The following UNC80 variants were observed in gnomAD, a reference collection of about 807,000 sequenced individuals.
UNC80 encodes unc-80 subunit of NALCN channel complex.
Under a neutral mutation model 384.6 loss-of-function variants are expected in UNC80, and 164 were observed. That is an observed-to-expected ratio of 0.43 (90% confidence interval 0.38 to 0.49). The LOEUF is 0.49. UNC80 is among the 20% of genes least tolerant of loss of function. The pLI, the probability that UNC80 is intolerant of heterozygous loss-of-function variation, is 0.00. For missense variants in UNC80, 3,330 were observed against 4,143.0 expected (o/e 0.80, Z 5.39); for synonymous variants, 1,486 against 1,527.8 (o/e 0.97, Z 0.64).
rs1464814358 is a variant in UNC80, at chr2:209,957,753, T to G, written c.7550+17T>G. The G allele has an allele frequency of 6.5e-7, 1 of 1,550,086 alleles. No individual in the cohort carries two copies. The highest frequency in any genetic ancestry group is 1.4e-5 in the African/African-American group (1 of 73,000). On this transcript the variant is annotated intron_variant, in intron 49 of 64. Coordinates refer to ENST00000673920, the MANE Select transcript of UNC80 (RefSeq NM_001371986.1). The stretch of plus-strand genomic sequence containing the variant: ...GAACACCAGGTAATTCACTGCGCCT[T>G]ATTCTTCTATGGTCTCTCAATTTCA...
chr2:209,972,872 T>G lies in UNC80; in HGVS notation c.8381-192T>G, dbSNP rs115384309. Among the ~76,000 whole-genome samples, 505 of 152,316 alleles carry G rather than the reference T, an allele frequency of 3.3e-3. 1 individual carries two copies. Among genetic ancestry groups the G allele is most frequent in the Middle Eastern group, 0.017 (5 of 292 alleles). ...ACCACAGGTTGTTGGGTACCCACTA[T>G]GGAGAAAATACTCAGGTGCCAGGAA... On this transcript the variant is annotated intron_variant, in intron 55 of 64. Coordinates refer to ENST00000673920, the MANE Select transcript of UNC80 (RefSeq NM_001371986.1).
At chr2:209,991,956 A>G (rs921180327) in intron 61 of UNC80, among the ~76,000 whole-genome samples, 3 of 152,218 alleles carry the variant, frequency 2.0e-5, no homozygotes, top group South Asian at 2.1e-4. Context: ...TGAAAACAGA[A>G]TCTCAATTTT....
At chr2:209,774,913 A>C (rs1016155609) in intron 2 of UNC80, among the ~76,000 whole-genome samples, 7 of 152,300 alleles carry the variant, frequency 4.6e-5, no homozygotes, top group Non-Finnish European at 7.4e-5. Context: ...AGTAAGCCAT[A>C]TTAGGATACC....
intron 7 of UNC80, among the ~76,000 whole-genome samples, chr2:209,801,567 G>C (rs1383853769): frequency 6.6e-6 from 1 of 151,424 alleles, no homozygotes; most frequent in Non-Finnish European, 1.5e-5. Flanking sequence ...ATTTTTAGTA[G>C]AGATGGGGTT....
chr2:209,791,957 C>A (rs760883987), intron 6 of UNC80, among the ~76,000 whole-genome samples: 4 of 150,736 alleles, frequency 2.7e-5, no homozygotes, highest in Non-Finnish European at 5.9e-5. Flanking sequence ...TGAAATACAG[C>A]TAGTCTGAAT....
chr2:209,868,410 A>C (rs1244428614), intron 22 of UNC80, among the ~76,000 whole-genome samples: 1 of 152,212 alleles, frequency 6.6e-6, no homozygotes, highest in African/African-American at 2.4e-5. Context: ...ATTTCTTCGC[A>C]CATTGTAAGC....
At chr2:209,982,501 C>A in intron 60 of UNC80, 184 bp downstream of exon 60, 1 of 676,896 alleles carries the variant, frequency 1.5e-6, no homozygotes, top group Non-Finnish European at 2.1e-6. Flanking sequence ...GTTTTCTAAG[C>A]CAAGCTAGTA....
chr2:209,816,804 C>G, intron 9 of UNC80, 105 bp from the exon 10 acceptor site: 1 of 1,037,838 alleles, frequency 9.6e-7, no homozygotes, highest in Admixed American at 2.4e-5. Context: ...TCTTCTCTTC[C>G]TGGCACATTT....
intron 5 of UNC80, 110 bp downstream of exon 5, chr2:209,786,299 A>C: frequency 7.4e-7 from 1 of 1,353,894 alleles, no homozygotes; most frequent in Non-Finnish European, 9.9e-7. Flanking sequence ...GCAAATATCT[A>C]CATGTAGTTA....
At chr2:209,890,558 A>C (rs890295599) in intron 26 of UNC80, among the ~76,000 whole-genome samples, 1 of 152,244 alleles carries the variant, frequency 6.6e-6, no homozygotes, top group Non-Finnish European at 1.5e-5. Flanking sequence ...CATCTCTTGC[A>C]TGACAAATAC....
chr2:209,992,473 GT>G (rs934288313), intron 62 of UNC80, among the ~76,000 whole-genome samples: 4 of 149,800 alleles, frequency 2.7e-5, no homozygotes, highest in Non-Finnish European at 4.5e-5. Flanking sequence ...ATAAAACAAT[GT>G]TTTTTTTTTA....
In UNC80 at chr2:209,904,953, G is replaced by C; in HGVS notation, c.4770G>C (p.Lys1590Asn). 1 of 1,551,666 alleles carries C rather than the reference G, an allele frequency of 6.4e-7. No homozygotes were observed. The highest frequency in any genetic ancestry group is 8.7e-7 in the Non-Finnish European group (1 of 1,146,980). The change falls in exon 29 of 65, where the codon AAG becomes AAC. Residue 1590 changes from lysine to asparagine, a missense_variant. Lys to Asn is a moderately conservative substitution (Grantham distance 94). Coordinates refer to ENST00000673920, the MANE Select transcript of UNC80 (RefSeq NM_001371986.1). ...TCAGCAGTGTGGCTCTCCGGGGCAA[G>C]AAACAGAAAGAAGTAAGTAAATGAC... Reference protein sequence around the residue: ...SNISSVALRGKKQKECSDKSC... With the variant: ...SNISSVALRGNKQKECSDKSC...
chr2:209,950,207 G>A (rs2092106174), intron 47 of UNC80, among the ~76,000 whole-genome samples: 1 of 152,094 alleles, frequency 6.6e-6, no homozygotes, highest in Admixed American at 6.6e-5. Flanking sequence ...TTTCTTGTGG[G>A]AACATTTTAA....
In UNC80 at chr2:209,992,259, C is replaced by A. The variant is rs375477071; in HGVS notation, c.9396+12C>A. ...GGGGCCTGAGGCAGGTAAGTAGACC[C>A]TTAAAGCGCAAGAGAACCATCCTAC... On this transcript the variant is annotated intron_variant, in intron 62 of 64. Coordinates refer to ENST00000673920, the MANE Select transcript of UNC80 (RefSeq NM_001371986.1). The A allele has an allele frequency of 4.5e-5, 69 of 1,550,166 alleles. No individual in the cohort carries two copies. In the African/African-American group the frequency reaches 9.2e-4, roughly 21 times the overall value.
At position 209,872,947 on chromosome 2, in the gene UNC80, A is replaced by C; in HGVS notation, c.3817A>C (p.Lys1273Gln). The change falls in exon 23 of 65, where the codon AAG becomes CAG. Residue 1273 changes from lysine to glutamine, a missense_variant. Transcript: ENST00000673920. This position sits in a 1 kb window ranked among gnomAD's most constrained non-coding sequence, Gnocchi z 4.1. The part of the protein sequence containing the change: ...RNQKLQWNAA[K>Q]LFYQWGDAIG... ...CCAGAAGCTGCAGTGGAATGCAGCCAAGCTCTTCTACCAATGGGGAGACGT... is the reference window on the plus strand; with the variant it reads ...CCAGAAGCTGCAGTGGAATGCAGCCCAGCTCTTCTACCAATGGGGAGACGT... The C allele has an allele frequency of 6.4e-7, 1 of 1,551,684 alleles. No homozygotes were observed. Among genetic ancestry groups the C allele is most frequent in the South Asian group, 1.2e-5 (1 of 84,060 alleles).
chr2:209,904,114 C>T (rs2087882078), intron 28 of UNC80, among the ~76,000 whole-genome samples: 1 of 152,070 alleles, frequency 6.6e-6, no homozygotes, highest in Non-Finnish European at 1.5e-5. Context: ...AAATGAATTC[C>T]CTTCTGTAAT....
chr2:209,950,901 A>T (rs1385630697), intron 47 of UNC80, among the ~76,000 whole-genome samples: 1 of 151,768 alleles, frequency 6.6e-6, no homozygotes, highest in Non-Finnish European at 1.5e-5. Flanking sequence ...GGCCAGGTGC[A>T]GTGGCTCACG....
intron 7 of UNC80, among the ~76,000 whole-genome samples, chr2:209,805,152 C>G (rs142363385): frequency 3.9e-5 from 6 of 152,260 alleles, no homozygotes; most frequent in Admixed American, 3.9e-4. Context: ...TTAGAAGGCA[C>G]CTTCAACATT....
intron 9 of UNC80, among the ~76,000 whole-genome samples, chr2:209,815,627 T>C (rs1351129834): frequency 6.6e-6 from 1 of 152,222 alleles, no homozygotes; most frequent in African/African-American, 2.4e-5. Flanking sequence ...AGCTCAATTC[T>C]GATCATATGC....
Sources: gnomAD v4.1 joint callset for allele counts (sites outside exome capture counted in the v4.1 genomes callset) on GRCh38, gnomAD v4.1.1 for gene constraint, Gnocchi (gnomAD v3.1) non-coding constraint, MANE v1.5 for transcripts, NCBI Gene and HGNC (gene_info 2026-07-23, HGNC 2026-07-21) for gene names.